The following NIT1 variants were observed in gnomAD, a reference collection of about 807,000 sequenced individuals.
NIT1 encodes nitrilase 1, also known as deaminated glutathione amidase.
In NIT1, 30 loss-of-function variants were observed where a neutral mutation model predicts 36.8. The observed-to-expected ratio is 0.82, with a 90% CI of 0.61 to 1.11. The LOEUF (loss-of-function observed/expected upper bound fraction) is 1.11. Ranked by LOEUF, NIT1 falls within the 50% of genes least tolerant of loss-of-function variation. The pLI, the probability that NIT1 is intolerant of heterozygous loss-of-function variation, is 0.00. For synonymous variants in NIT1, 151 were observed against 155.6 expected (o/e 0.97, Z 0.22); for missense variants, 438 against 410.6 (o/e 1.07, Z -0.58).
rs1379349921 is a variant in NIT1 at position 161,118,817 on chromosome 1, T to C, written c.34T>C (p.Phe12Leu). The C allele has an allele frequency of 6.2e-7, 1 of 1,614,044 alleles. No individual in the cohort carries two copies. The highest frequency in any genetic ancestry group is 8.5e-7 in the Non-Finnish European group (1 of 1,179,880). ...LGFITRPPHR[F>L]LSLLCPGLRI... Reference sequence around the variant, plus strand: ...CTTCATCACCAGGCCTCCTCACAGATTCCTGTCCCTTCTGTGTCCTGGACT... The same window carrying C: ...CTTCATCACCAGGCCTCCTCACAGACTCCTGTCCCTTCTGTGTCCTGGACT... The change falls in exon 2 of 7, where the codon TTC (phenylalanine) becomes CTC (leucine). Residue 12 changes from phenylalanine (F) to leucine (L), a missense_variant. Coordinates refer to ENST00000368009, the MANE Select transcript of NIT1 (RefSeq NM_005600.3).
At position 161,119,504 on chromosome 1, in the gene NIT1, C is replaced by T; in HGVS notation, c.354-5C>T. Reference sequence around the variant, plus strand: ...TGAAGAGTTGTCAGTGTCCCTTCCCCCCAGGGAATGTGGACTCTGGCTGTC... The same window carrying T: ...TGAAGAGTTGTCAGTGTCCCTTCCCTCCAGGGAATGTGGACTCTGGCTGTC... On this transcript the variant is annotated splice_polypyrimidine_tract_variant and splice_region_variant and intron_variant, in intron 3 of 6. Coordinates refer to ENST00000368009, the MANE Select transcript of NIT1 (RefSeq NM_005600.3). 6.2e-7 allele frequency: 1 copy of T among 1,613,956 alleles called. No individual in the cohort carries two copies. The highest frequency in any genetic ancestry group is 8.5e-7 in the Non-Finnish European group (1 of 1,179,836).
downstream of NIT1, chr1:161,123,883 G>A: frequency 5.0e-6 from 8 of 1,614,042 alleles, no homozygotes; most frequent in Non-Finnish European, 6.8e-6. Context: ...ATCACTGAGG[G>A]CTCTGGGGGT....
chr1:161,120,620 C>A lies in NIT1; in HGVS notation c.839C>A (p.Thr280Lys). The A allele has an allele frequency of 6.2e-7, 1 of 1,614,196 alleles. No homozygotes were observed. Among genetic ancestry groups the A allele is most frequent in the Non-Finnish European group, 8.5e-7 (1 of 1,180,040 alleles). ...AGCATGGTGGTAGACCCCTGGGGAA[C>A]AGTGGTGGCCCGCTGCTCTGAGGGG... ...GHSMVVDPWG[T>K]VVARCSEGPG... The change falls in exon 7 of 7, where the codon ACA becomes AAA. Residue 280 changes from threonine to lysine, a missense_variant. Transcript: ENST00000368009.
At chr1:161,124,331 C>T (rs1655916483), downstream of NIT1, 1 of 1,614,238 alleles carries the variant, frequency 6.2e-7, no homozygotes, top group South Asian at 1.1e-5. Flanking sequence ...GGAAAGAAAG[C>T]ACGCGCACAT....
At chr1:161,118,503 C>T (rs776174998) in intron 1 of NIT1, 1 of 1,536,152 alleles carries the variant, frequency 6.5e-7, no homozygotes, top group Non-Finnish European at 8.7e-7. Context: ...CCGGAGATGA[C>T]TTTTGGACTG....
rs775422932 is a variant in NIT1 at position 161,119,176 on chromosome 1, C to T, written c.141C>T (p.Pro47=). 6.2e-7 allele frequency: 1 copy of T among 1,613,960 alleles called. No individual in the cohort carries two copies. Among genetic ancestry groups the T allele is most frequent in the African/African-American group, 1.3e-5 (1 of 74,906 alleles). ...MAISSSSCEL[P]LVAVCQVTST... ...TCTCCTCTTCCTCCTGCGAACTGCC[C>T]CTGGTGGCTGTGTGCCAGGTAACAT... The change falls in exon 3 of 7, where the codon CCC becomes CCT. Residue 47 remains proline, a synonymous_variant. Transcript: ENST00000368009.
chr1:161,123,904 A>C (rs1442810663), downstream of NIT1: 1 of 1,614,092 alleles, frequency 6.2e-7, no homozygotes, highest in Admixed American at 1.7e-5. Context: ...CACATAGCGA[A>C]TTGATGTCTC....
intron 1 of NIT1, chr1:161,118,419 A>G: frequency 1.3e-6 from 2 of 1,535,146 alleles, no homozygotes; most frequent in South Asian, 1.2e-5. Context: ...TGAAAGGGGA[A>G]ATATGCTTCG....
At chr1:161,123,227 CA>C, downstream of NIT1, 2 of 1,611,518 alleles carry the variant, frequency 1.2e-6, no homozygotes, top group East Asian at 4.5e-5. Context: ...AGGCACTGAC[CA>C]GAAAGTAAAA....
In NIT1 at chr1:161,120,645, G is replaced by A. The variant is rs776731252; in HGVS notation, c.864G>A (p.Gly288=). 11 of 1,614,214 alleles carry A rather than the reference G, an allele frequency of 6.8e-6. No homozygotes were observed. In the South Asian group the frequency reaches 1.2e-4, roughly 18 times the overall value. Residue 288 remains glycine, a synonymous_variant, in exon 7 of 7, where the codon GGG becomes GGA. Coordinates refer to ENST00000368009, the MANE Select transcript of NIT1 (RefSeq NM_005600.3). Reference sequence around the variant, plus strand: ...CAGTGGTGGCCCGCTGCTCTGAGGGGCCAGGCCTCTGCCTTGCCCGAATAG... The same window carrying A: ...CAGTGGTGGCCCGCTGCTCTGAGGGACCAGGCCTCTGCCTTGCCCGAATAG... ...WGTVVARCSE[G]PGLCLARIDL... is the part of the protein sequence containing the mutation.
In NIT1 at chr1:161,120,738, T is replaced by C. The variant is rs766329208; in HGVS notation, c.957T>C (p.Tyr319=). 14 of 1,613,558 alleles carry C rather than the reference T, an allele frequency of 8.7e-6. No homozygotes were observed. The highest frequency in any genetic ancestry group is 7.7e-5 in the South Asian group (7 of 91,094). The change falls in exon 7 of 7, where the codon TAT becomes TAC. Residue 319 remains tyrosine, a synonymous_variant. Coordinates refer to ENST00000368009, the MANE Select transcript of NIT1 (RefSeq NM_005600.3). ...TCCAGCACCGCAGGCCTGACCTCTATGGCAATCTGGGTCACCCACTGTCTT... is the reference window on the plus strand; with the variant it reads ...TCCAGCACCGCAGGCCTGACCTCTACGGCAATCTGGGTCACCCACTGTCTT... ...PVFQHRRPDL[Y]GNLGHPLS
rs745943058 is a variant in NIT1 at position 161,119,277 on chromosome 1, T to C, written c.242T>C (p.Leu81Pro). 6.2e-7 allele frequency: 1 copy of C among 1,614,204 alleles called. No individual in the cohort carries two copies. The highest frequency in any genetic ancestry group is 8.5e-7 in the Non-Finnish European group (1 of 1,180,026). ...GAGGCTGCCAGACTGGGTGCCTGCCTGGCTTTCCTGCCTGAGGCATTTGAC... is the reference window on the plus strand; with the variant it reads ...GAGGCTGCCAGACTGGGTGCCTGCCCGGCTTTCCTGCCTGAGGCATTTGAC... The part of the protein sequence containing the change: ...VREAARLGAC[L>P]AFLPEAFDFI... Residue 81 changes from leucine to proline, a missense_variant, in exon 3 of 7, where the codon CTG (leucine) becomes CCG (proline). By Grantham distance (98) the Leu-to-Pro change is moderately conservative. Transcript: ENST00000368009.
rs982751771 is a variant in NIT1 at position 161,118,635 on chromosome 1, C to T, written c.3-151C>T. 7 of 1,523,682 alleles carry T rather than the reference C, an allele frequency of 4.6e-6. No individual in the cohort carries two copies. In the African/African-American group the frequency reaches 8.3e-5, roughly 18 times the overall value. The allele number at this position is 1,523,682 out of a possible 1,614,324, so 94.4% of individuals were successfully genotyped here. ...CCCACTGTATGGTCTTGTCCCTTAG[C>T]CTATAATTTCTTATAAAGAGCGTTT... On this transcript the variant is annotated intron_variant, in intron 1 of 6. Transcript: ENST00000368009.
rs537957132 is a variant in NIT1, at chr1:161,119,713, G to A, written c.457+101G>A. The A allele has an allele frequency of 1.9e-5, 30 of 1,579,388 alleles. No individual in the cohort carries two copies. In the South Asian group the frequency reaches 3.2e-4, roughly 17 times the overall value. On this transcript the variant is annotated intron_variant, in intron 4 of 6. Coordinates refer to ENST00000368009, the MANE Select transcript of NIT1 (RefSeq NM_005600.3). ...CTTATTTCCTTGACCCAAGGATTTAGGGGTGGTCCTACTTCAGTTCCTAGC... is the reference window on the plus strand; with the variant it reads ...CTTATTTCCTTGACCCAAGGATTTAAGGGTGGTCCTACTTCAGTTCCTAGC...
At position 161,118,809 on chromosome 1, in the gene NIT1, C is replaced by T. The variant is rs773111936; in HGVS notation, c.26C>T (p.Pro9Leu). 1 of 1,613,854 alleles carries T rather than the reference C, an allele frequency of 6.2e-7. No individual in the cohort carries two copies. The highest frequency in any genetic ancestry group is 1.1e-5 in the South Asian group (1 of 91,084). The part of the protein sequence containing the change: MLGFITRP[P>L]HRFLSLLCPG... ...AGGCTGGGCTTCATCACCAGGCCTCCTCACAGATTCCTGTCCCTTCTGTGT... is the reference window on the plus strand; with the variant it reads ...AGGCTGGGCTTCATCACCAGGCCTCTTCACAGATTCCTGTCCCTTCTGTGT... The change falls in exon 2 of 7, where the codon CCT becomes CTT. Residue 9 changes from proline to leucine, a missense_variant. By Grantham distance (98) the Pro-to-Leu change is moderately conservative. Transcript: ENST00000368009.
downstream of NIT1, chr1:161,123,942 G>A: frequency 6.2e-7 from 1 of 1,613,882 alleles, no homozygotes; most frequent in Non-Finnish European, 8.5e-7. Flanking sequence ...CAAGATCAGG[G>A]CACACTGTAG....
At chr1:161,118,486 A>C in intron 1 of NIT1, 12 of 1,536,090 alleles carry the variant, frequency 7.8e-6, no homozygotes, top group Non-Finnish European at 1.0e-5. Flanking sequence ...AAAACCAAGG[A>C]TAGTTCCCGG....
At chr1:161,124,591 T>C (rs1655954561), downstream of NIT1, 6 of 1,455,618 alleles carry the variant, frequency 4.1e-6, no homozygotes, top group Non-Finnish European at 5.4e-6. Flanking sequence ...TGCATTCCCA[T>C]ATTCCCAGTT....
At chr1:161,124,367 G>A (rs756768540), downstream of NIT1, 11 of 1,614,078 alleles carry the variant, frequency 6.8e-6, no homozygotes, top group Admixed American at 5.0e-5. Context: ...GAGTGCCCAC[G>A]ATGTCAAACA....
Sources: allele counts gnomAD v4.1 joint callset, GRCh38; gene constraint gnomAD v4.1.1; transcripts MANE v1.5; gene names NCBI Gene and HGNC (gene_info 2026-07-23, HGNC 2026-07-21).